TLN2: variants seen among roughly 807,000 people sequenced by gnomAD.
TLN2 encodes talin 2.
TLN2 carries 118 observed loss-of-function variants against 294.7 expected under a neutral mutation model. The observed-to-expected ratio is 0.40, with a 90% CI of 0.34 to 0.47. The LOEUF (loss-of-function observed/expected upper bound fraction) is 0.47. Among genes scored for constraint, TLN2 ranks in the 20% least tolerant of loss-of-function variants. TLN2 has a pLI of 0.84. For synonymous variants in TLN2, 1,431 were observed against 1,304.5 expected, an observed-to-expected ratio of 1.10 and a Z score of -2.09; for missense variants, 3,083 against 3,282.2, an observed-to-expected ratio of 0.94 and a Z score of 1.48.
intron 1 of TLN2, among the ~76,000 whole-genome samples, chr15:62,504,452 CAGTG>C (rs1260484344): frequency 3.9e-5 from 6 of 152,140 alleles, no homozygotes; most frequent in African/African-American, 1.4e-4. Context: ...GAAAGCAAGA[CAGTG>C]AGGTATTCGT....
chr15:62,725,015 C>G lies in TLN2; in HGVS notation c.3166C>G (p.Leu1056Val), dbSNP rs989783032. ...ACGPMEIDSA[L>V]NTVQTLKNEL... ...TGGTCCGATGGAAATCGATTCAGCT[C>G]TGAATACGGTGCAGACGCTTAAGAA... The change falls in exon 27 of 59, where the codon CTG becomes GTG. Residue 1056 changes from leucine to valine, a missense_variant. Leu to Val is a conservative substitution (Grantham distance 32). Transcript: ENST00000636159. 6.8e-6 allele frequency: 11 copies of G among 1,613,360 alleles called. No homozygotes were observed. The highest frequency in any genetic ancestry group is 3.3e-5 in the Admixed American group (2 of 59,966).
intron 1 of TLN2, among the ~76,000 whole-genome samples, chr15:62,529,406 G>A (rs890431344): frequency 3.9e-5 from 6 of 151,986 alleles, no homozygotes; most frequent in Non-Finnish European, 5.9e-5. Flanking sequence ...GGCTTTTATC[G>A]TCTACTGTAA....
chr15:62,797,911 G>A (rs1421445417), intron 48 of TLN2, among the ~76,000 whole-genome samples: 1 of 152,340 alleles, frequency 6.6e-6, no homozygotes. Context: ...AAAAGCCAGG[G>A]AGTCGGGGCA....
chr15:62,701,117 A>G lies in TLN2; in HGVS notation c.1599A>G (p.Val533=). 1 of 1,613,866 alleles carries G rather than the reference A, an allele frequency of 6.2e-7. No homozygotes were observed. The highest frequency in any genetic ancestry group is 8.5e-7 in the Non-Finnish European group (1 of 1,179,964). ...PPLGQDMASR[V]WVQNKVDESK... is the part of the protein sequence containing the mutation. ...GTCTGGCTTTGCAGGCATCTAGGGT[A>G]TGGGTTCAGAACAAAGTCGACGAAT... Residue 533 remains valine (V), a synonymous_variant, in exon 17 of 59, where the codon GTA becomes GTG. Transcript: ENST00000636159.
Position 62,635,187 on chromosome 15 carries a change from T to C in TLN2, c.-36-12088T>C, listed in dbSNP as rs181801692. 4.5e-3 allele frequency among the ~76,000 whole-genome samples: 688 copies of C among 152,362 alleles called. 9 individuals are homozygous for C. Among genetic ancestry groups the C allele is most frequent in the African/African-American group, 0.016 (666 of 41,586 alleles). On this transcript the variant is annotated intron_variant, in intron 3 of 58. Transcript: ENST00000636159. Reference sequence around the variant, plus strand: ...ACATTCAGATTTCATTATTTCTTGTTGTTTTGTTATCTTCTGGGTTGTTTT... The same window carrying C: ...ACATTCAGATTTCATTATTTCTTGTCGTTTTGTTATCTTCTGGGTTGTTTT...
chr15:62,609,106 CT>C (rs1345156029), intron 2 of TLN2, among the ~76,000 whole-genome samples: 1 of 152,052 alleles, frequency 6.6e-6, no homozygotes, highest in Admixed American at 6.6e-5. Context: ...AACGTTCCCC[CT>C]GGGCCTCCTC....
At chr15:62,712,359 T>C (rs1293180325) in intron 22 of TLN2, among the ~76,000 whole-genome samples, 3 of 152,236 alleles carry the variant, frequency 2.0e-5, no homozygotes, top group Non-Finnish European at 2.9e-5. Flanking sequence ...TCATTCAATG[T>C]GGTGACTAAT....
At position 62,528,753 on chromosome 15, in the gene TLN2, C is replaced by T. The variant is rs115220167; in HGVS notation, c.-237-60934C>T. ...CCACTGGGTGGCTGATCTTGGATAT[C>T]GATGAAGACTGAGCCACCACTTGGT... On this transcript the variant is annotated intron_variant, in intron 1 of 58. Coordinates refer to ENST00000636159, the MANE Select transcript of TLN2 (RefSeq NM_015059.3). Among the ~76,000 whole-genome samples, 17 of 132,418 alleles carry T rather than the reference C, an allele frequency of 1.3e-4. No individual in the cohort carries two copies. The South Asian group carries it at 1.5e-3, about 12-fold the overall frequency. The allele number at this position is 132,418 out of a possible 152,430, so 86.9% of individuals were successfully genotyped here. A position where few individuals can be genotyped will look rare whatever the true frequency, so the allele number is the denominator to read the frequency against.
intron 1 of TLN2, among the ~76,000 whole-genome samples, chr15:62,556,179 A>G (rs971849303): frequency 2.7e-5 from 4 of 150,912 alleles, no homozygotes; most frequent in Admixed American, 6.6e-5. Context: ...TTGGTTTGGC[A>G]TATATATGGG....
chr15:62,798,055 GAC>G (rs1277431894), intron 48 of TLN2, among the ~76,000 whole-genome samples: 1 of 152,150 alleles, frequency 6.6e-6, no homozygotes, highest in African/African-American at 2.4e-5. Flanking sequence ...ACCCACCAGA[GAC>G]AGAGTTAAGA....
chr15:62,691,027 TGGGAGA>T (rs769214805), intron 12 of TLN2, among the ~76,000 whole-genome samples: 50,310 of 78,746 alleles, frequency 0.64, 13,555 homozygotes, highest in Middle Eastern at 0.75. Flanking sequence ...AGGGAGACCG[TGGGAGA>T]GGGAGAGGGA....
chr15:62,572,871 C>A (rs989873864), intron 1 of TLN2, among the ~76,000 whole-genome samples: 2 of 152,196 alleles, frequency 1.3e-5, no homozygotes, highest in Non-Finnish European at 2.9e-5. Context: ...TTCGCCACCC[C>A]CTCCTGCTGC....
intron 1 of TLN2, among the ~76,000 whole-genome samples, chr15:62,435,783 C>T (rs1391417057): frequency 1.3e-5 from 2 of 152,152 alleles, no homozygotes; most frequent in East Asian, 3.9e-4. Flanking sequence ...CTCAGGTGAT[C>T]CACCCTCCTT....
At chr15:62,526,786 T>C (rs2040761619) in intron 1 of TLN2, among the ~76,000 whole-genome samples, 3 of 152,184 alleles carry the variant, frequency 2.0e-5, no homozygotes, top group Admixed American at 2.0e-4. Context: ...TTTATTTCCA[T>C]GTGAGAGGTA....
At chr15:62,689,877 T>TTTTTTTTTTTTTTA (rs71131119) in intron 12 of TLN2, among the ~76,000 whole-genome samples, 233 of 9,848 alleles carry the variant, frequency 0.024, 104 homozygotes, top group Non-Finnish European at 0.05. Context: ...TTTTTTTTTT[T>TTTTTTTTTTTTTTA]ATTGGCTGAC....
intron 1 of TLN2, among the ~76,000 whole-genome samples, chr15:62,439,789 C>T (rs1292122961): frequency 6.6e-6 from 1 of 152,176 alleles, no homozygotes; most frequent in East Asian, 1.9e-4. Context: ...AACATTGAGA[C>T]TTTTGGCCTT....
intron 1 of TLN2, among the ~76,000 whole-genome samples, chr15:62,589,058 T>G (rs1943744250): frequency 6.6e-6 from 1 of 152,110 alleles, no homozygotes; most frequent in Admixed American, 6.5e-5. Context: ...ATCCTGTATC[T>G]GGATGTTTAT....
intron 9 of TLN2, among the ~76,000 whole-genome samples, chr15:62,672,880 A>G (rs896881422): frequency 9.2e-5 from 14 of 152,186 alleles, no homozygotes; most frequent in African/African-American, 3.1e-4. Flanking sequence ...AAAATGAATC[A>G]GGTACTCAGG....
chr15:62,620,837 C>CTTTTTTTTTTTTTTTTTTTTTTTTT (rs71129016), intron 3 of TLN2, among the ~76,000 whole-genome samples: 2 of 66,414 alleles, frequency 3.0e-5, no homozygotes, highest in Non-Finnish European at 2.9e-5. Flanking sequence ...CTTTCTTTTT[C>CTTTTTTTTTTTTTTTTTTTTTTTTT]TTTTTTTTTT....
Sources: gnomAD v4.1 joint callset for allele counts (sites outside exome capture counted in the v4.1 genomes callset) on GRCh38, gnomAD v4.1.1 for gene constraint, MANE v1.5 for transcripts, NCBI Gene and HGNC (gene_info 2026-07-23, HGNC 2026-07-21) for gene names.